Variants in WASHC2A observed in about 807,000 individuals in gnomAD.
WASHC2A encodes WASH complex subunit 2A, also known as WASH complex subunit FAM21A.
Under a neutral mutation model 140.3 loss-of-function variants are expected in WASHC2A, and 82 were observed. The observed-to-expected ratio is 0.58, with a 90% CI of 0.49 to 0.70. WASHC2A has a LOEUF of 0.70. Among genes scored for constraint, WASHC2A ranks in the 30% least tolerant of loss-of-function variants. The probability of loss-of-function intolerance (pLI) is 0.00; values close to 1 mark genes in which losing one functional copy is unlikely to be tolerated. For synonymous variants in WASHC2A, 340 were observed against 560.8 expected (o/e 0.61, Z 5.56); for missense variants, 985 against 1,521.8 (o/e 0.65, Z 5.87).
chr10:50,087,298 T>C lies in WASHC2A; in HGVS notation c.708T>C (p.His236=). 1 of 1,613,972 alleles carries C rather than the reference T, an allele frequency of 6.2e-7. No homozygotes were observed. The highest frequency in any genetic ancestry group is 8.5e-7 in the Non-Finnish European group (1 of 1,179,862). The change falls in exon 8 of 31, where the codon CAT becomes CAC. Residue 236 remains histidine, a synonymous_variant. Transcript: ENST00000282633. The part of the protein sequence containing the change: ...EEEESDEDFA[H]HSDNEQNRHT... ...AGGAGTCAGATGAAGATTTTGCCCATCATAGTGACAATGAACAAAACCGGG... is the reference window on the plus strand; with the variant it reads ...AGGAGTCAGATGAAGATTTTGCCCACCATAGTGACAATGAACAAAACCGGG...
chr10:50,068,052 G>A (rs782553468), intron 1 of WASHC2A, 44 bp downstream of exon 1: 23 of 1,607,734 alleles, frequency 1.4e-5, no homozygotes, highest in East Asian at 2.2e-5. Context: ...GGCTGGGGCC[G>A]CCGTCCCTGC....
At chr10:50,132,527 G>A (rs1309411765) in intron 30 of WASHC2A, among the ~76,000 whole-genome samples, 8 of 152,354 alleles carry the variant, frequency 5.3e-5, no homozygotes, top group African/African-American at 1.4e-4. Context: ...CTGGTTTGGA[G>A]ATCAAGTTAC....
intron 17 of WASHC2A, among the ~76,000 whole-genome samples, chr10:50,101,242 T>C (rs1281191296): frequency 1.3e-5 from 2 of 152,306 alleles, no homozygotes; most frequent in African/African-American, 4.8e-5. Context: ...CGTCTTATGC[T>C]CATGGATCCC....
rs1843802825 is a variant in WASHC2A at position 50,130,049 on chromosome 10, C to G, written c.3708+10C>G. ...ACAAGATATTTTTGAGGTAATAGGA[C>G]TTAACACGTTTTTGTGTCTGTTCTA... On this transcript the variant is annotated intron_variant, in intron 29 of 30. Coordinates refer to ENST00000282633, the MANE Select transcript of WASHC2A (RefSeq NM_001005751.3). The G allele has an allele frequency of 2.2e-5, 35 of 1,611,682 alleles. No individual in the cohort carries two copies. The South Asian group carries it at 3.7e-4, about 17-fold the overall frequency.
At position 50,113,880 on chromosome 10, in the gene WASHC2A, T is replaced by G. The variant is rs1485070405; in HGVS notation, c.2040-15T>G. 2.4e-5 allele frequency: 9 copies of G among 377,638 alleles called. No individual in the cohort carries two copies. Among genetic ancestry groups the G allele is most frequent in the Non-Finnish European group, 3.5e-5 (8 of 230,070 alleles). The allele number at this position is 377,638 out of a possible 1,614,324, so 23.4% of individuals were successfully genotyped here. On this transcript the variant is annotated splice_polypyrimidine_tract_variant and intron_variant, in intron 20 of 30. Transcript: ENST00000282633. ...CACACTTTTCCTTAATTTGACCTTT[T>G]GTTTGTTTGTGTAGCCAAAAGAAGA... is the stretch of plus-strand genomic sequence containing the variant.
At chr10:50,095,491 G>A (rs1294118717) in intron 14 of WASHC2A, 108 bp from the exon 15 acceptor site, 1 of 1,456,156 alleles carries the variant, frequency 6.9e-7, no homozygotes, top group Non-Finnish European at 9.4e-7. Flanking sequence ...TATGCATTTT[G>A]TGGATTAACT....
At chr10:50,075,203 T>C (rs1838210381) in intron 3 of WASHC2A, among the ~76,000 whole-genome samples, 1 of 151,758 alleles carries the variant, frequency 6.6e-6, no homozygotes, top group Non-Finnish European at 1.5e-5. Flanking sequence ...TATTAAATGT[T>C]ATTTATGAAA....
rs1205203762 is a variant in WASHC2A, at chr10:50,095,781, A to G, written c.1420+3A>G. ...CCACAGCAAACCTTCTAAAACAGGT[A>G]TGTGTTCCTGCCTCCGTTTCTAGGA... On this transcript the variant is annotated splice_donor_region_variant and intron_variant, in intron 15 of 30. Transcript: ENST00000282633. 2 of 1,604,552 alleles carry G rather than the reference A, an allele frequency of 1.2e-6. No individual in the cohort carries two copies. The highest frequency in any genetic ancestry group is 1.3e-5 in the African/African-American group (1 of 74,634).
rs1179152541 is a variant in WASHC2A, at chr10:50,116,444, T to A, written c.2143-1462T>A. Among the ~76,000 whole-genome samples the A allele has an allele frequency of 2.6e-5, 3 of 116,714 alleles. No homozygotes were observed. In the East Asian group the frequency reaches 8.3e-4, roughly 32 times the overall value. 76.6% of individuals were successfully genotyped at this position (116,714 alleles called of 152,430 possible). A position where few individuals can be genotyped will look rare whatever the true frequency, so the allele number is the denominator to read the frequency against. On this transcript the variant is annotated intron_variant, in intron 21 of 30. Coordinates refer to ENST00000282633, the MANE Select transcript of WASHC2A (RefSeq NM_001005751.3). ...ATTCTGCCTCAGCCTCCCTAGTAGC[T>A]GGGACTACAGGCACCCACCACCATG...
In WASHC2A at chr10:50,132,894, C is replaced by T. The variant is rs755827935; in HGVS notation, c.3975C>T (p.His1325=). ...AQAAPEPRFE[H]KVSNIFDDPL... ...CCGCACCTGAACCAAGATTTGAACA[C>T]AAGGTGTCCAACATCTTTGATGATC... is the stretch of plus-strand genomic sequence containing the variant. The change falls in exon 31 of 31, where the codon CAC becomes CAT. Residue 1325 remains histidine, a synonymous_variant. Coordinates refer to ENST00000282633, the MANE Select transcript of WASHC2A (RefSeq NM_001005751.3). 14 of 1,612,028 alleles carry T rather than the reference C, an allele frequency of 8.7e-6. No homozygotes were observed. Among genetic ancestry groups the T allele is most frequent in the Non-Finnish European group, 5.1e-6 (6 of 1,179,850 alleles).
At position 50,078,622 on chromosome 10, in the gene WASHC2A, T is replaced by C. The variant is rs1445215983; in HGVS notation, c.292-53T>C. On this transcript the variant is annotated intron_variant, in intron 3 of 30. Transcript: ENST00000282633. The stretch of plus-strand genomic sequence containing the variant: ...ACTGTGTGAATTCTTATATTGTGAT[T>C]TATTTCCAATGACGTGTTGACCTTT... 717 of 1,611,826 alleles carry C rather than the reference T, an allele frequency of 4.4e-4. 6 individuals are homozygous for C. The African/African-American group carries it at 8.1e-3, about 18-fold the overall frequency.
chr10:50,072,961 T>G, intron 3 of WASHC2A, among the ~76,000 whole-genome samples: 1 of 152,138 alleles, frequency 6.6e-6, no homozygotes, highest in Non-Finnish European at 1.5e-5. Context: ...AGTTGCAAAC[T>G]ATATTATAAA....
At chr10:50,105,784 TA>T (rs1841697787) in intron 18 of WASHC2A, among the ~76,000 whole-genome samples, 1 of 146,282 alleles carries the variant, frequency 6.8e-6, no homozygotes, top group African/African-American at 2.5e-5. Flanking sequence ...TTTTATTTAG[TA>T]AGCTATTTCT....
At position 50,087,312 on chromosome 10, in the gene WASHC2A, A is replaced by G. The variant is rs1839473292; in HGVS notation, c.722A>G (p.Glu241Gly). Reference sequence around the variant, plus strand: ...GATTTTGCCCATCATAGTGACAATGAACAAAACCGGGTAAGGCTCATATAT... The same window carrying G: ...GATTTTGCCCATCATAGTGACAATGGACAAAACCGGGTAAGGCTCATATAT... ...DEDFAHHSDN[E>G]QNRHTTQMSD... is the part of the protein sequence containing the mutation. Residue 241 changes from glutamate to glycine, a missense_variant, in exon 8 of 31, where the codon GAA (glutamate) becomes GGA (glycine). Transcript: ENST00000282633. The G allele has an allele frequency of 6.2e-7, 1 of 1,613,982 alleles. No homozygotes were observed. The highest frequency in any genetic ancestry group is 8.5e-7 in the Non-Finnish European group (1 of 1,179,860).
chr10:50,127,700 G>A lies in WASHC2A; in HGVS notation c.2992G>A (p.Gly998Ser), dbSNP rs1313415271. 19 of 1,579,228 alleles carry A rather than the reference G, an allele frequency of 1.2e-5. No homozygotes were observed. The highest frequency in any genetic ancestry group is 6.8e-5 in the East Asian group (3 of 44,032). Residue 998 changes from glycine (G) to serine (S), a missense_variant, in exon 28 of 31, where the codon GGT (glycine) becomes AGT (serine). Physicochemically the swap from Gly to Ser is moderately conservative, Grantham distance 56. Coordinates refer to ENST00000282633, the MANE Select transcript of WASHC2A (RefSeq NM_001005751.3). ...FPSSEHRRSH[G>S]LESVPVLPGS... ...TTCATCTGAACACAGAAGGAGCCAC[G>A]GTCTGGAAAGTGTGCCTGTCCTTCC...
chr10:50,127,206 G>A lies in WASHC2A; in HGVS notation c.2858G>A (p.Arg953Gln), dbSNP rs1246244419. 2,024 of 1,611,988 alleles carry A rather than the reference G, an allele frequency of 1.3e-3. 7 individuals carry two copies. The highest frequency in any genetic ancestry group is 1.1e-3 in the Non-Finnish European group (1,301 of 1,179,852). Residue 953 changes from arginine to glutamine, a missense_variant, in exon 27 of 31, where the codon CGG becomes CAG. Coordinates refer to ENST00000282633, the MANE Select transcript of WASHC2A (RefSeq NM_001005751.3). Reference protein sequence around the residue: ...APFKTKEPSTRIGKIQANLAI... With the variant: ...APFKTKEPSTQIGKIQANLAI... ...TTTAAAACCAAAGAACCATCCACTC[G>A]GATCGGGAAGATACAAGTAATTAAA... is the stretch of plus-strand genomic sequence containing the variant.
chr10:50,077,116 C>CAA (rs1337138073), intron 3 of WASHC2A, among the ~76,000 whole-genome samples: 5 of 120,056 alleles, frequency 4.2e-5, no homozygotes, highest in African/African-American at 9.6e-5. Flanking sequence ...GACTCCATCT[C>CAA]AAAAAAAAAA....
At chr10:50,091,170 G>A (rs2805159) in intron 9 of WASHC2A, among the ~76,000 whole-genome samples, 44 of 151,660 alleles carry the variant, frequency 2.9e-4, no homozygotes, top group African/African-American at 9.5e-4. Context: ...TCTTATTTTC[G>A]TATTTAGATT....
chr10:50,129,883 C>T lies in WASHC2A; in HGVS notation c.3552C>T (p.Leu1184=), dbSNP rs1843785673. ...GTGAGGCCAGCAGTGATGATGATCT[C>T]TTTCAGTCTGCTAAACCAAAACCAG... is the stretch of plus-strand genomic sequence containing the variant. ...ALGEASSDDD[L]FQSAKPKPAK... The change falls in exon 29 of 31, where the codon CTC becomes CTT. Residue 1184 remains leucine (L), a synonymous_variant. Transcript: ENST00000282633. 1 of 1,611,930 alleles carries T rather than the reference C, an allele frequency of 6.2e-7. No individual in the cohort carries two copies. Among genetic ancestry groups the T allele is most frequent in the African/African-American group, 1.3e-5 (1 of 74,870 alleles).
Sources: gnomAD v4.1 joint callset for allele counts (sites outside exome capture counted in the v4.1 genomes callset) on GRCh38, gnomAD v4.1.1 for gene constraint, MANE v1.5 for transcripts, NCBI Gene and HGNC (gene_info 2026-07-23, HGNC 2026-07-21) for gene names.